Variants in LMBR1 observed in about 807,000 individuals in gnomAD.
LMBR1 encodes limb region 1 protein homolog.
Under a neutral mutation model 73.9 loss-of-function variants are expected in LMBR1, and 52 were observed. That is an observed-to-expected ratio of 0.70 (90% CI 0.56 to 0.89). The LOEUF is 0.89. Ranked by LOEUF, LMBR1 falls within the 40% of genes least tolerant of loss-of-function variation. The pLI is 0.00. For missense variants in LMBR1, 539 were observed against 579.8 expected, an observed-to-expected ratio of 0.93 and a Z score of 0.72; for synonymous variants, 215 against 209.4, an observed-to-expected ratio of 1.03 and a Z score of -0.23.
At chr7:156,840,740 ACGAGGTCAGGAGAT>A (rs902490119) in intron 1 of LMBR1, among the ~76,000 whole-genome samples, 1 of 151,642 alleles carries the variant, frequency 6.6e-6, no homozygotes, top group Non-Finnish European at 1.5e-5. Context: ...CGGGTGGATC[ACGAGGTCAGGAGAT>A]CGAGACCATC....
At chr7:156,809,402 G>C (rs1832707925) in intron 4 of LMBR1, among the ~76,000 whole-genome samples, 1 of 152,156 alleles carries the variant, frequency 6.6e-6, no homozygotes, top group Admixed American at 6.5e-5. Context: ...ACCTCCCATA[G>C]ATACTAAAAT....
intron 15 of LMBR1, among the ~76,000 whole-genome samples, chr7:156,721,625 G>A (rs1456665240): frequency 6.6e-6 from 1 of 151,954 alleles, no homozygotes; most frequent in African/African-American, 2.4e-5. Flanking sequence ...ACAATGTTTT[G>A]AAAAATATAT....
chr7:156,781,597 T>C (rs1050809747), intron 5 of LMBR1, among the ~76,000 whole-genome samples: 1 of 152,210 alleles, frequency 6.6e-6, no homozygotes, highest in Admixed American at 6.5e-5. Context: ...TAATGTGAGC[T>C]GATCATCAAG....
At chr7:156,876,631 A>C (rs1800220873) in intron 1 of LMBR1, among the ~76,000 whole-genome samples, 1 of 152,230 alleles carries the variant, frequency 6.6e-6, no homozygotes, top group South Asian at 2.1e-4. Flanking sequence ...CTCCCTGACC[A>C]CAGTGGAATA....
At position 156,763,787 on chromosome 7, in the gene LMBR1, T is replaced by C. The variant is rs141871054; in HGVS notation, c.432A>G (p.Arg144=). ...EGFAGLKKGI[R]ARILETLVML... is the part of the protein sequence containing the mutation. ...TGACCAAAGTCTCTAAAATGCGGGCTCGGATTCCCTGAAAAATAGAGTAGA... is the reference window on the plus strand; with the variant it reads ...TGACCAAAGTCTCTAAAATGCGGGCCCGGATTCCCTGAAAAATAGAGTAGA... Residue 144 remains arginine, a synonymous_variant, in exon 6 of 17, where the codon CGA becomes CGG. Coordinates refer to ENST00000353442, the MANE Select transcript of LMBR1 (RefSeq NM_022458.4). The C allele has an allele frequency of 8.7e-5, 139 of 1,588,984 alleles. No individual in the cohort carries two copies. The East Asian group carries it at 1.3e-3, about 14-fold the overall frequency.
chr7:156,887,259 T>C (rs1335893376), intron 1 of LMBR1, among the ~76,000 whole-genome samples: 2 of 151,934 alleles, frequency 1.3e-5, no homozygotes, highest in Non-Finnish European at 2.9e-5. Context: ...GGTCAAGAGA[T>C]TGAGACCATT....
intron 4 of LMBR1, among the ~76,000 whole-genome samples, chr7:156,805,811 C>T (rs1249201836): frequency 2.0e-5 from 3 of 152,152 alleles, no homozygotes; most frequent in Non-Finnish European, 4.4e-5. Context: ...GTGTGATGGT[C>T]GTTAGAGACA....
At chr7:156,691,739 A>AT (rs1041167867) in intron 15 of LMBR1, among the ~76,000 whole-genome samples, 4 of 150,624 alleles carry the variant, frequency 2.7e-5, no homozygotes, top group Non-Finnish European at 5.9e-5. Flanking sequence ...ACATCTTGTT[A>AT]TTTTAAAAAA....
chr7:156,783,942 A>G (rs1301771459), intron 5 of LMBR1, among the ~76,000 whole-genome samples: 1 of 151,196 alleles, frequency 6.6e-6, no homozygotes, highest in African/African-American at 2.4e-5. Flanking sequence ...TACCTTCGTA[A>G]TTATCACTCT....
At chr7:156,836,639 T>C (rs1451803240) in intron 2 of LMBR1, among the ~76,000 whole-genome samples, 174 bp downstream of exon 2, 1 of 152,150 alleles carries the variant, frequency 6.6e-6, no homozygotes, top group Non-Finnish European at 1.5e-5. Flanking sequence ...ACTCTAAGAG[T>C]AGTCAGATTC....
chr7:156,824,509 C>T (rs1385102892), intron 4 of LMBR1, among the ~76,000 whole-genome samples: 2 of 152,126 alleles, frequency 1.3e-5, no homozygotes, highest in East Asian at 3.8e-4. Context: ...CATTATTAGT[C>T]TAATGCACCA....
At chr7:156,728,947 C>T (rs1371782261) in intron 10 of LMBR1, among the ~76,000 whole-genome samples, 1 of 152,170 alleles carries the variant, frequency 6.6e-6, no homozygotes, top group Non-Finnish European at 1.5e-5. Flanking sequence ...TCAAGTGATC[C>T]TCCCATCTCA....
Position 156,772,211 on chromosome 7 carries a change from T to C in LMBR1, c.424-8416A>G, listed in dbSNP as rs556600361. Reference sequence around the variant, plus strand: ...ATCACTTGAACCTGGGAGGCAGAGGTTGCAGTGAGCCAAGATCGTACCACT... The same window carrying C: ...ATCACTTGAACCTGGGAGGCAGAGGCTGCAGTGAGCCAAGATCGTACCACT... On this transcript the variant is annotated intron_variant, in intron 5 of 16. Coordinates refer to ENST00000353442, the MANE Select transcript of LMBR1 (RefSeq NM_022458.4). Among the ~76,000 whole-genome samples the C allele has an allele frequency of 6.3e-4, 96 of 152,142 alleles. 2 individuals are homozygous for C. Among genetic ancestry groups the C allele is most frequent in the Non-Finnish European group, 1.3e-3 (87 of 67,992 alleles).
intron 5 of LMBR1, among the ~76,000 whole-genome samples, chr7:156,768,632 A>C (rs1382652121): frequency 6.6e-6 from 1 of 152,170 alleles, no homozygotes; most frequent in Non-Finnish European, 1.5e-5. Flanking sequence ...GGATTAGGAA[A>C]TAGGGTTTCC....
intron 1 of LMBR1, among the ~76,000 whole-genome samples, chr7:156,857,678 ACACT>A: frequency 6.6e-6 from 1 of 152,316 alleles, no homozygotes; most frequent in Non-Finnish European, 1.5e-5. Context: ...TCACGTGAAA[ACACT>A]CACTAAGACA....
intron 9 of LMBR1, among the ~76,000 whole-genome samples, chr7:156,752,678 G>A (rs1821125690): frequency 6.6e-6 from 1 of 152,182 alleles, no homozygotes. Flanking sequence ...GTCACCAGTG[G>A]AGAGTAAGGT....
At chr7:156,730,924 G>A (rs563041200) in intron 10 of LMBR1, among the ~76,000 whole-genome samples, 16 of 151,410 alleles carry the variant, frequency 1.1e-4, no homozygotes, top group East Asian at 9.7e-4. Context: ...CAACAAGAGC[G>A]AAACTCCATT....
Position 156,796,474 on chromosome 7 carries a change from GAAGC to G in LMBR1, c.334_337del (p.Ala112ProfsTer11), listed in dbSNP as rs771161947. 6.2e-7 allele frequency: 1 copy of G among 1,605,772 alleles called. No individual in the cohort carries two copies. Among genetic ancestry groups the G allele is most frequent in the Non-Finnish European group, 8.5e-7 (1 of 1,176,490 alleles). ...AAATAAACAAAGGTTGGAAAAAAGG[GAAGC>G]AAGATTCCACAAACCTATAAAAAGG... On this transcript the variant is annotated frameshift_variant, in exon 5 of 17. Transcript: ENST00000353442. LOFTEE classifies it high-confidence loss of function.
chr7:156,770,483 T>C (rs1824975407), intron 5 of LMBR1, among the ~76,000 whole-genome samples: 1 of 151,994 alleles, frequency 6.6e-6, no homozygotes, highest in South Asian at 2.1e-4. Flanking sequence ...TATAAAAACA[T>C]AAAGTGTAGA....
Sources: gnomAD v4.1 joint callset for allele counts (sites outside exome capture counted in the v4.1 genomes callset) on GRCh38, gnomAD v4.1.1 for gene constraint, MANE v1.5 for transcripts, NCBI Gene and HGNC (gene_info 2026-07-23, HGNC 2026-07-21) for gene names.